RNF185: variants seen among roughly 807,000 people sequenced by gnomAD.
RNF185 encodes E3 ubiquitin-protein ligase RNF185.
In RNF185, 13 loss-of-function variants were observed where a neutral mutation model predicts 24.9. That is an observed-to-expected ratio of 0.52 (90% confidence interval 0.34 to 0.83). The LOEUF (loss-of-function observed/expected upper bound fraction) is 0.83, where lower values mean the gene tolerates loss of function less well. Ranked by LOEUF, RNF185 falls within the 40% of genes least tolerant of loss-of-function variation. The pLI is 0.01. For synonymous variants in RNF185, 79 were observed against 90.3 expected, an observed-to-expected ratio of 0.88 and a Z score of 0.71; for missense variants, 184 against 244.7, an observed-to-expected ratio of 0.75 and a Z score of 1.65.
chr22:31,189,894 T>C (rs2048140039), intron 2 of RNF185, among the ~76,000 whole-genome samples: 1 of 152,046 alleles, frequency 6.6e-6, no homozygotes, highest in Non-Finnish European at 1.5e-5. Context: ...ATGCCTGCTA[T>C]CAATTTTTTT....
chr22:31,191,884 T>C (rs1257398283), intron 2 of RNF185, among the ~76,000 whole-genome samples: 3 of 150,216 alleles, frequency 2.0e-5, no homozygotes, highest in African/African-American at 2.5e-5. Flanking sequence ...TCTGTAGATA[T>C]CATTTTTTTT....
chr22:31,180,854 T>C (rs952648692), intron 1 of RNF185, among the ~76,000 whole-genome samples: 17 of 152,100 alleles, frequency 1.1e-4, no homozygotes, highest in Non-Finnish European at 2.1e-4. Context: ...CTAGCCCTTA[T>C]AATCCCAGAA....
At chr22:31,171,753 G>A (rs1179853966) in intron 1 of RNF185, among the ~76,000 whole-genome samples, 1 of 152,156 alleles carries the variant, frequency 6.6e-6, no homozygotes, top group Non-Finnish European at 1.5e-5. Context: ...CGGATCACCT[G>A]AGGTCGGGAG....
Position 31,201,494 on chromosome 22 carries a change from A to T in RNF185, c.364-4A>T, listed in dbSNP as rs759743226. 5 of 1,608,446 alleles carry T rather than the reference A, an allele frequency of 3.1e-6. No homozygotes were observed. The Admixed American group carries it at 8.3e-5, about 27-fold the overall frequency. Reference sequence around the variant, plus strand: ...CTGCCCTTAATTGCCTTTCTTCCACACAGGGATTTCAAGGATTTGGATTTG... The same window carrying T: ...CTGCCCTTAATTGCCTTTCTTCCACTCAGGGATTTCAAGGATTTGGATTTG... On this transcript the variant is annotated splice_polypyrimidine_tract_variant and splice_region_variant and intron_variant, in intron 5 of 6. Coordinates refer to ENST00000326132, the MANE Select transcript of RNF185 (RefSeq NM_152267.4).
At chr22:31,170,372 A>C (rs569725581) in intron 1 of RNF185, among the ~76,000 whole-genome samples, 1 of 151,992 alleles carries the variant, frequency 6.6e-6, no homozygotes, top group South Asian at 2.1e-4. Context: ...TCGTATTTTT[A>C]GTAGAGACGA....
At chr22:31,162,171 C>A (rs962457618) in intron 1 of RNF185, among the ~76,000 whole-genome samples, 2 of 152,078 alleles carry the variant, frequency 1.3e-5, no homozygotes, top group Non-Finnish European at 2.9e-5. Flanking sequence ...ATATTATGAC[C>A]CAGTTCTGCT....
chr22:31,167,252 C>G (rs1311388095), intron 1 of RNF185, among the ~76,000 whole-genome samples: 1 of 152,130 alleles, frequency 6.6e-6, no homozygotes. Flanking sequence ...ACTGCAGCCT[C>G]AACCTCTGAG....
At chr22:31,172,551 C>G (rs1296387977) in intron 1 of RNF185, among the ~76,000 whole-genome samples, 2 of 152,050 alleles carry the variant, frequency 1.3e-5, no homozygotes, top group African/African-American at 2.4e-5. Flanking sequence ...GAGTTCAAGA[C>G]CAGCCTGGCC....
chr22:31,177,300 T>C (rs530231863), intron 1 of RNF185, among the ~76,000 whole-genome samples: 1 of 151,968 alleles, frequency 6.6e-6, no homozygotes, highest in East Asian at 1.9e-4. Context: ...AATGAATCTT[T>C]GAAGATTCAT....
intron 1 of RNF185, among the ~76,000 whole-genome samples, chr22:31,180,903 TTC>T (rs59737558): frequency 0.26 from 34,316 of 132,848 alleles, 4,651 homozygotes; most frequent in Middle Eastern, 0.33. Flanking sequence ...TCTAGGCATT[TTC>T]TCTCTCTCTC....
At chr22:31,180,909 CTCTCTCTG>C (rs1347632761) in intron 1 of RNF185, among the ~76,000 whole-genome samples, 2,164 of 128,762 alleles carry the variant, frequency 0.017, 27 homozygotes, top group African/African-American at 0.044. Context: ...CATTTTCTCT[CTCTCTCTG>C]TGTGTGTGTG....
intron 1 of RNF185, among the ~76,000 whole-genome samples, chr22:31,164,583 C>CT (rs200649012): frequency 0.02 from 1,815 of 91,532 alleles, 106 homozygotes; most frequent in East Asian, 0.15. Context: ...TCCTCATTGT[C>CT]TTTTTTTTTT....
At chr22:31,180,921 G>C (rs928068266) in intron 1 of RNF185, among the ~76,000 whole-genome samples, 1 of 103,878 alleles carries the variant, frequency 9.6e-6, no homozygotes, top group Admixed American at 1.1e-4. Flanking sequence ...CTCTCTGTGT[G>C]TGTGTGTGTG....
intron 6 of RNF185, among the ~76,000 whole-genome samples, chr22:31,202,598 T>C (rs911246347): frequency 4.1e-5 from 6 of 146,520 alleles, no homozygotes; most frequent in African/African-American, 1.5e-4. Context: ...CAAGATATCT[T>C]GGGAATGCCT....
In RNF185 at chr22:31,195,344, A is replaced by G. The variant is rs1266194657; in HGVS notation, c.196-125A>G. 5 of 589,402 alleles carry G rather than the reference A, an allele frequency of 8.5e-6. No homozygotes were observed. In the Admixed American group the frequency reaches 1.2e-4, roughly 15 times the overall value. The allele number at this position is 589,402 out of a possible 1,614,324, so 36.5% of individuals were successfully genotyped here. ...AGGAATGGGAGTCAGGTTCCTTGAG[A>G]TGTTCCCTGCTCATGCTGGTGTTTC... On this transcript the variant is annotated intron_variant, in intron 3 of 6. Coordinates refer to ENST00000326132, the MANE Select transcript of RNF185 (RefSeq NM_152267.4).
intron 2 of RNF185, among the ~76,000 whole-genome samples, chr22:31,188,285 C>T (rs776286764): frequency 1.4e-4 from 21 of 152,136 alleles, no homozygotes; most frequent in African/African-American, 2.2e-4. Context: ...TTGGCAACAG[C>T]GTAAAACATC....
At chr22:31,198,198 C>T (rs1285903403) in intron 5 of RNF185, among the ~76,000 whole-genome samples, 3 of 152,040 alleles carry the variant, frequency 2.0e-5, no homozygotes. Context: ...TTCCATGATG[C>T]TCTGAAGTGT....
chr22:31,190,896 C>A (rs566322281), intron 2 of RNF185, among the ~76,000 whole-genome samples: 1 of 152,220 alleles, frequency 6.6e-6, no homozygotes. Context: ...AGCCACCACA[C>A]CTTGGCTCTA....
At chr22:31,185,965 C>T (rs576109474) in intron 1 of RNF185, among the ~76,000 whole-genome samples, 1 of 152,176 alleles carries the variant, frequency 6.6e-6, no homozygotes, top group South Asian at 2.1e-4. Context: ...ACTGCAGTTT[C>T]CTAAAGAAAT....
Sources: gnomAD v4.1 joint callset for allele counts (sites outside exome capture counted in the v4.1 genomes callset) on GRCh38, gnomAD v4.1.1 for gene constraint, MANE v1.5 for transcripts, NCBI Gene and HGNC (gene_info 2026-07-23, HGNC 2026-07-21) for gene names.